Variants in FXYD5 observed in about 807,000 individuals in gnomAD.
FXYD5 encodes the protein FXYD domain-containing ion transport regulator 5.
In FXYD5, 21 loss-of-function variants were observed where a neutral mutation model predicts 25.7. The ratio of observed to expected loss-of-function variants is 0.82; its 90% CI spans 0.58 to 1.18. The LOEUF (loss-of-function observed/expected upper bound fraction) is 1.18, where lower values mean the gene tolerates loss of function less well. FXYD5 is among the 50% of genes most tolerant of loss of function. The probability of loss-of-function intolerance (pLI) is 0.00; values close to 1 mark genes in which losing one functional copy is unlikely to be tolerated. For synonymous variants in FXYD5, 101 were observed against 90.7 expected (o/e 1.11, Z -0.64); for missense variants, 229 against 227.7 (o/e 1.01, Z -0.04).
At chr19:35,159,453 G>C in intron 4 of FXYD5, 3 of 1,536,700 alleles carry the variant, frequency 2.0e-6, no homozygotes, top group Non-Finnish European at 2.6e-6. Flanking sequence ...ATGTTTGGAA[G>C]TTCTTCTCAC....
intron 6 of FXYD5, 134 bp from the exon 7 acceptor site, chr19:35,166,007 AT>A (rs1359184818): frequency 7.5e-6 from 6 of 796,878 alleles, no homozygotes; most frequent in Admixed American, 5.3e-5. Flanking sequence ...TGGGAGCCAG[AT>A]TGTGTGCCAT....
At chr19:35,160,863 C>T in intron 5 of FXYD5, 62 bp downstream of exon 5, 1 of 980,866 alleles carries the variant, frequency 1.0e-6, no homozygotes, top group Non-Finnish European at 1.7e-6. Flanking sequence ...TCTAGGTCAA[C>T]ATTTCCCTCA....
At chr19:35,166,386 G>T (rs1455445587) in intron 8 of FXYD5, 61 bp downstream of exon 8, 2 of 1,128,600 alleles carry the variant, frequency 1.8e-6, no homozygotes, top group South Asian at 1.5e-5. Flanking sequence ...ATGACGGAGG[G>T]CTGGGTTCTC....
intron 8 of FXYD5, among the ~76,000 whole-genome samples, chr19:35,169,117 G>A (rs892920867): frequency 2.0e-5 from 3 of 151,168 alleles, no homozygotes; most frequent in Non-Finnish European, 4.4e-5. Context: ...CCATCCCTGT[G>A]AGGATGAGCC....
At chr19:35,157,579 A>T (rs1410191201) in intron 3 of FXYD5, 78 bp downstream of exon 3, 1 of 788,220 alleles carries the variant, frequency 1.3e-6, no homozygotes, top group Non-Finnish European at 2.2e-6. Flanking sequence ...CTTGGACCAA[A>T]CAAGGGAATT....
chr19:35,166,851 C>T (rs1392292314), intron 8 of FXYD5: 1 of 155,130 alleles, frequency 6.4e-6, no homozygotes, highest in East Asian at 1.9e-4. Flanking sequence ...TGGCAAAGGA[C>T]ATGGATACTG....
chr19:35,159,673 G>A, intron 4 of FXYD5: 2 of 1,526,420 alleles, frequency 1.3e-6, no homozygotes, highest in South Asian at 2.5e-5. Context: ...TGCTGGTCAT[G>A]GTTCTAAATA....
rs1407188223 is a variant in FXYD5 at position 35,168,176 on chromosome 19, T to C, written c.488-1390T>C. On this transcript the variant is annotated intron_variant, in intron 8 of 8. Coordinates refer to ENST00000392219, the MANE Select transcript of FXYD5 (RefSeq NM_014164.6). ...CATGTATTTTTCCAACAGCAAATAT[T>C]TGTGGGCTCCTAGTCTGTGCCAAAC... 4.6e-5 allele frequency among the ~76,000 whole-genome samples: 7 copies of C among 152,106 alleles called. No homozygotes were observed. The East Asian group carries it at 1.3e-3, about 29-fold the overall frequency.
intron 3 of FXYD5, chr19:35,157,723 A>G: frequency 7.2e-6 from 3 of 418,028 alleles, no homozygotes; most frequent in South Asian, 6.9e-5. Flanking sequence ...ATTTTCAGGA[A>G]GAGTCTCCTC....
intron 4 of FXYD5, chr19:35,159,748 C>A (rs2065388380): frequency 7.5e-7 from 1 of 1,324,504 alleles, no homozygotes; most frequent in Non-Finnish European, 1.0e-6. Flanking sequence ...ACCATTGTCC[C>A]CATTTTACAG....
intron 1 of FXYD5, chr19:35,155,161 G>A: frequency 4.5e-6 from 1 of 223,458 alleles, no homozygotes; most frequent in South Asian, 8.5e-5. Flanking sequence ...GGGCCCCTGG[G>A]GGAGGGAAGA....
chr19:35,165,702 A>T (rs941122068), intron 6 of FXYD5, among the ~76,000 whole-genome samples: 1 of 151,752 alleles, frequency 6.6e-6, no homozygotes, highest in Non-Finnish European at 1.5e-5. Context: ...TGGTTCAAAC[A>T]CCCCTGACAT....
intron 8 of FXYD5, among the ~76,000 whole-genome samples, chr19:35,167,760 G>A (rs143436427): frequency 2.6e-5 from 4 of 152,256 alleles, no homozygotes; most frequent in Admixed American, 6.5e-5. Context: ...TGATGTGTGC[G>A]TGATCCCCAC....
chr19:35,159,405 AT>A, intron 4 of FXYD5: 1 of 1,445,224 alleles, frequency 6.9e-7, no homozygotes, highest in Non-Finnish European at 9.2e-7. Flanking sequence ...AGACCTTATG[AT>A]TGTTCTGCAG....
At chr19:35,161,424 A>G (rs1261949426) in intron 5 of FXYD5, among the ~76,000 whole-genome samples, 1 of 152,134 alleles carries the variant, frequency 6.6e-6, no homozygotes, top group African/African-American at 2.4e-5. Context: ...CATAGTTCTA[A>G]CTTTAGGTCA....
In FXYD5 at chr19:35,155,689, G is replaced by A. The variant is rs1333100316; in HGVS notation, c.61+78G>A. ...CCCCACGTGTGCTGCGGGGTGGGTG[G>A]TTGGCCCGTGTGAACGTTGTCCTGC... On this transcript the variant is annotated intron_variant, in intron 2 of 8. Transcript: ENST00000392219. 6.7e-6 allele frequency: 7 copies of A among 1,052,070 alleles called. No individual in the cohort carries two copies. In the East Asian group the frequency reaches 1.4e-4, roughly 21 times the overall value. 65.2% of individuals were successfully genotyped at this position (1,052,070 alleles called of 1,614,324 possible).
chr19:35,155,188 C>T, intron 1 of FXYD5: 1 of 320,588 alleles, frequency 3.1e-6, no homozygotes, highest in South Asian at 3.8e-5. Flanking sequence ...CTATCTACTC[C>T]TCTGCCCCAG....
At chr19:35,158,975 A>C (rs987213317) in intron 4 of FXYD5, among the ~76,000 whole-genome samples, 1 of 152,122 alleles carries the variant, frequency 6.6e-6, no homozygotes, top group African/African-American at 2.4e-5. Context: ...GAAAAATACA[A>C]AAATTAGCCG....
At chr19:35,161,221 A>AACAC (rs147168736) in intron 5 of FXYD5, among the ~76,000 whole-genome samples, 3 of 38,204 alleles carry the variant, frequency 7.9e-5, no homozygotes, top group Non-Finnish European at 1.6e-4. Flanking sequence ...ATTCACCTTA[A>AACAC]ACACACACAC....
Sources: allele counts gnomAD v4.1 joint callset (sites outside exome capture counted in the v4.1 genomes callset), GRCh38; gene constraint gnomAD v4.1.1; transcripts MANE v1.5; gene names NCBI Gene and HGNC (gene_info 2026-07-23, HGNC 2026-07-21).